Variants in PKP2 observed in about 807,000 individuals in gnomAD.
PKP2 encodes plakophilin-2.
In PKP2, 73 loss-of-function variants were observed where a neutral mutation model predicts 83.4. The ratio of observed to expected loss-of-function variants is 0.88; its 90% CI spans 0.72 to 1.06. PKP2 has a LOEUF of 1.06. PKP2 is among the 50% of genes least tolerant of loss of function. The pLI, the probability that PKP2 is intolerant of heterozygous loss-of-function variation, is 0.00. For missense variants in PKP2, 966 were observed against 1,065.4 expected (o/e 0.91, Z 1.30); for synonymous variants, 409 against 430.4 (o/e 0.95, Z 0.62).
intron 3 of PKP2, among the ~76,000 whole-genome samples, chr12:32,876,607 GC>G (rs1009643880): frequency 1.3e-5 from 2 of 151,796 alleles, no homozygotes; most frequent in African/African-American, 4.8e-5. Context: ...TTGGCTCACT[GC>G]AACCTCCATC....
At chr12:32,819,313 C>CAATACAATACAATAA (rs1411681921) in intron 9 of PKP2, among the ~76,000 whole-genome samples, 1 of 146,362 alleles carries the variant, frequency 6.8e-6, no homozygotes, top group Non-Finnish European at 1.5e-5. Flanking sequence ...CAATACAATA[C>CAATACAATACAATAA]AATAAAATAA....
At chr12:32,831,919 T>C (rs886944747) in intron 6 of PKP2, among the ~76,000 whole-genome samples, 11 of 152,322 alleles carry the variant, frequency 7.2e-5, no homozygotes, top group Admixed American at 2.0e-4. Context: ...CAGGCAAGCA[T>C]AGCCATATTT....
chr12:32,885,327 T>C (rs1375680245), intron 1 of PKP2, among the ~76,000 whole-genome samples: 2 of 152,184 alleles, frequency 1.3e-5, no homozygotes, highest in Non-Finnish European at 2.9e-5. Flanking sequence ...AATACAAACA[T>C]TGCTCGAAAT....
rs547811491 is a variant in PKP2, at chr12:32,879,239, C to A, written c.224-207G>T. 2.6e-5 allele frequency among the ~76,000 whole-genome samples: 4 copies of A among 152,312 alleles called. No individual in the cohort carries two copies. In the East Asian group the frequency reaches 5.8e-4, roughly 22 times the overall value. On this transcript the variant is annotated intron_variant, in intron 1 of 12. Transcript: ENST00000340811. The stretch of plus-strand genomic sequence containing the variant: ...TCAAAGGTTATCAAAACATTCTCTA[C>A]AAAAGTTTTTCAGCTGGGTGTGGTG...
In PKP2 at chr12:32,878,198, C is replaced by A. The variant is rs143954425; in HGVS notation, c.682G>T (p.Asp228Tyr). The change falls in exon 3 of 13, where the codon GAC becomes TAC. Residue 228 changes from aspartate to tyrosine, a missense_variant. Coordinates refer to ENST00000340811, the MANE Select transcript of PKP2 (RefSeq NM_001005242.3). ...HRQYQHGSVS[D>Y]TVFDSIPANP... ...GCAGGGATGCTGTCAAAAACGGTGT[C>A]GCTAACAGAGCCATGCTGGTACTGT... 6.2e-7 allele frequency: 1 copy of A among 1,614,142 alleles called. No homozygotes were observed. Among genetic ancestry groups the A allele is most frequent in the East Asian group, 2.2e-5 (1 of 44,876 alleles).
chr12:32,867,045 T>C (rs770356602), intron 4 of PKP2, among the ~76,000 whole-genome samples: 4 of 152,304 alleles, frequency 2.6e-5, no homozygotes, highest in Non-Finnish European at 1.5e-5. Context: ...AACCAGATCA[T>C]GGCTGAGCAT....
chr12:32,896,759 C>T lies in PKP2; in HGVS notation c.-28G>A, dbSNP rs1957129846. The T allele has an allele frequency of 2.4e-6, 3 of 1,259,998 alleles. No homozygotes were observed. The highest frequency in any genetic ancestry group is 3.2e-6 in the Non-Finnish European group (3 of 946,682). 78.1% of individuals were successfully genotyped at this position (1,259,998 alleles called of 1,614,324 possible). ...GGCCGGTGGGGGCGACCGAGCTGCT[C>T]GCCTGCCTCTGGACTCGCGGGCGAA... is the stretch of plus-strand genomic sequence containing the variant. On this transcript the variant is annotated 5_prime_UTR_variant, in exon 1 of 13. Coordinates refer to ENST00000340811, the MANE Select transcript of PKP2 (RefSeq NM_001005242.3).
At chr12:32,894,158 C>A (rs965671552) in intron 1 of PKP2, 3 of 152,136 alleles carry the variant, frequency 2.0e-5, no homozygotes, top group Non-Finnish European at 4.4e-5. Flanking sequence ...AACTCCCGAC[C>A]TCAGGTGATC....
At chr12:32,878,768 A>G (rs1956959308) in intron 2 of PKP2, 152 bp downstream of exon 2, 1 of 673,356 alleles carries the variant, frequency 1.5e-6, no homozygotes, top group Admixed American at 2.4e-5. Context: ...CTAGTTTTCC[A>G]TGGTATCCTC....
In PKP2 at chr12:32,822,986, G is replaced by T. The variant is rs572868710; in HGVS notation, c.1675-355C>A. 3.9e-4 allele frequency among the ~76,000 whole-genome samples: 59 copies of T among 152,298 alleles called. 1 individual carries two copies. The South Asian group carries it at 0.012, about 30-fold the overall frequency. ...AACTAGGAGGCTATTGCAATAATCGGCATGAAAGATGCACAATGTAGGAAA... is the reference window on the plus strand; with the variant it reads ...AACTAGGAGGCTATTGCAATAATCGTCATGAAAGATGCACAATGTAGGAAA... On this transcript the variant is annotated intron_variant, in intron 7 of 12. Transcript: ENST00000340811.
intron 11 of PKP2, among the ~76,000 whole-genome samples, chr12:32,793,152 A>C (rs146924721): frequency 9.8e-4 from 149 of 152,090 alleles, no homozygotes; most frequent in African/African-American, 3.4e-3. Context: ...GAGGCAGGAG[A>C]ATCACTTGAA....
At chr12:32,885,533 T>C (rs552752764) in intron 1 of PKP2, among the ~76,000 whole-genome samples, 3 of 152,108 alleles carry the variant, frequency 2.0e-5, no homozygotes, top group African/African-American at 7.2e-5. Context: ...AAAAATTAGC[T>C]AGGTGTGCTG....
intron 4 of PKP2, among the ~76,000 whole-genome samples, chr12:32,862,475 C>CT (rs1956808411): frequency 6.6e-6 from 1 of 151,412 alleles, no homozygotes; most frequent in Admixed American, 6.6e-5. Context: ...GGAGAAACCC[C>CT]ATCTCTACTA....
At chr12:32,814,721 C>T (rs1055839938) in intron 9 of PKP2, among the ~76,000 whole-genome samples, 3 of 152,028 alleles carry the variant, frequency 2.0e-5, no homozygotes, top group African/African-American at 4.8e-5. Context: ...GTCAGGAGTT[C>T]GAGACCAGCC....
intron 1 of PKP2, among the ~76,000 whole-genome samples, chr12:32,888,335 G>T (rs1303621339): frequency 6.6e-6 from 1 of 152,132 alleles, no homozygotes; most frequent in Admixed American, 6.5e-5. Context: ...ATAAAAAAAG[G>T]TGAATTTATA....
rs201651498 is a variant in PKP2 at position 32,880,465 on chromosome 12, A to G, written c.224-1433T>C. Among the ~76,000 whole-genome samples, 3 of 152,328 alleles carry G rather than the reference A, an allele frequency of 2.0e-5. No individual in the cohort carries two copies. In the East Asian group the frequency reaches 5.8e-4, roughly 29 times the overall value. On this transcript the variant is annotated intron_variant, in intron 1 of 12. Coordinates refer to ENST00000340811, the MANE Select transcript of PKP2 (RefSeq NM_001005242.3). ...ATCAGCATGATCAAGGGAAACATGG[A>G]TCAACTTCAGGCCAATGCTGGGGTT...
intron 6 of PKP2, among the ~76,000 whole-genome samples, chr12:32,829,419 G>A (rs1395749998): frequency 6.7e-6 from 1 of 149,980 alleles, no homozygotes; most frequent in African/African-American, 2.5e-5. Flanking sequence ...CATGCTCAGT[G>A]GATTTATTTT....
Position 32,878,554 on chromosome 12 carries a change from G to A in PKP2, c.337-11C>T, listed in dbSNP as rs1316421432. ...GGCAGTTGTGCCAGCCTGCACATGAGAGAAATAAAGTTTAAAGGGGGCATA... is the reference window on the plus strand; with the variant it reads ...GGCAGTTGTGCCAGCCTGCACATGAAAGAAATAAAGTTTAAAGGGGGCATA... On this transcript the variant is annotated splice_polypyrimidine_tract_variant and intron_variant, in intron 2 of 12. Coordinates refer to ENST00000340811, the MANE Select transcript of PKP2 (RefSeq NM_001005242.3). 6.2e-7 allele frequency: 1 copy of A among 1,605,764 alleles called. No individual in the cohort carries two copies. Among genetic ancestry groups the A allele is most frequent in the Admixed American group, 1.7e-5 (1 of 58,976 alleles).
At chr12:32,866,737 G>A (rs1391031023) in intron 4 of PKP2, among the ~76,000 whole-genome samples, 2 of 152,086 alleles carry the variant, frequency 1.3e-5, no homozygotes, top group Non-Finnish European at 2.9e-5. Context: ...AAATGGCACA[G>A]CTACTTTGTA....
Sources: allele counts gnomAD v4.1 joint callset (sites outside exome capture counted in the v4.1 genomes callset), GRCh38; gene constraint gnomAD v4.1.1; transcripts MANE v1.5; gene names NCBI Gene and HGNC (gene_info 2026-07-23, HGNC 2026-07-21).